Variants in SKAP1 observed in about 807,000 individuals in gnomAD.
SKAP1 encodes the protein src kinase associated phosphoprotein 1.
SKAP1 carries 44 observed loss-of-function variants against 58.5 expected under a neutral mutation model. That is an observed-to-expected ratio of 0.75 (90% CI 0.59 to 0.97). The LOEUF is 0.97. Ranked by LOEUF, SKAP1 falls within the 50% of genes least tolerant of loss-of-function variation. SKAP1 has a pLI of 0.00. For synonymous variants in SKAP1, 127 were observed against 149.7 expected (o/e 0.85, Z 1.11); for missense variants, 390 against 435.2 (o/e 0.90, Z 0.92).
intron 4 of SKAP1, among the ~76,000 whole-genome samples, chr17:48,332,617 T>C (rs2066520497): frequency 6.6e-6 from 1 of 152,146 alleles, no homozygotes; most frequent in Non-Finnish European, 1.5e-5. Flanking sequence ...ATACCTCATA[T>C]CAAGATGCCA....
intron 3 of SKAP1, among the ~76,000 whole-genome samples, chr17:48,362,643 CAACTTT>C (rs2066951215): frequency 1.3e-5 from 2 of 152,150 alleles, no homozygotes; most frequent in Admixed American, 1.3e-4. Flanking sequence ...GTAAGTGCTC[CAACTTT>C]AACTTATGAG....
intron 4 of SKAP1, among the ~76,000 whole-genome samples, chr17:48,221,719 G>A (rs117066134): frequency 3.7e-3 from 568 of 152,316 alleles, no homozygotes; most frequent in Admixed American, 5.2e-3. Context: ...GATCAGAATT[G>A]CCGAGTATCT....
chr17:48,154,131 C>T (rs909659392), intron 11 of SKAP1, among the ~76,000 whole-genome samples: 10 of 152,138 alleles, frequency 6.6e-5, no homozygotes, highest in African/African-American at 2.2e-4. Context: ...TGGAGAAAAC[C>T]GGGTTAAAAC....
At chr17:48,301,795 A>G (rs2066061021) in intron 4 of SKAP1, among the ~76,000 whole-genome samples, 1 of 151,972 alleles carries the variant, frequency 6.6e-6, no homozygotes, top group South Asian at 2.1e-4. Context: ...CATTTCTTAG[A>G]CCTTCCTTAT....
At chr17:48,260,135 AAG>A (rs1455943941) in intron 4 of SKAP1, among the ~76,000 whole-genome samples, 1 of 152,170 alleles carries the variant, frequency 6.6e-6, no homozygotes, top group Non-Finnish European at 1.5e-5. Context: ...AAAAAATGAA[AAG>A]AGAGAAGTGT....
chr17:48,210,856 G>A (rs983896208), intron 4 of SKAP1, among the ~76,000 whole-genome samples: 5 of 152,060 alleles, frequency 3.3e-5, no homozygotes, highest in African/African-American at 7.2e-5. Flanking sequence ...GTCTCCTCCC[G>A]AGTGTTACCC....
At chr17:48,217,843 A>G (rs1008612662) in intron 4 of SKAP1, among the ~76,000 whole-genome samples, 6 of 152,196 alleles carry the variant, frequency 3.9e-5, no homozygotes, top group Admixed American at 3.3e-4. Context: ...ACTGACTGGG[A>G]AGCTATTGGA....
intron 4 of SKAP1, among the ~76,000 whole-genome samples, chr17:48,304,938 TA>T (rs2066116057): frequency 6.6e-6 from 1 of 152,204 alleles, no homozygotes; most frequent in Non-Finnish European, 1.5e-5. Flanking sequence ...TTAATAGTAG[TA>T]ATGAACTAGA....
chr17:48,414,615 C>T (rs567732156), intron 1 of SKAP1, among the ~76,000 whole-genome samples: 30 of 152,210 alleles, frequency 2.0e-4, no homozygotes, highest in Admixed American at 1.2e-3. Flanking sequence ...TGCCCTAAAA[C>T]GAAAATTCTC....
chr17:48,279,888 T>C (rs2065746156), intron 4 of SKAP1, among the ~76,000 whole-genome samples: 1 of 152,162 alleles, frequency 6.6e-6, no homozygotes, highest in African/African-American at 2.4e-5. Flanking sequence ...CAGTTCCTTC[T>C]AAGAGCTTGT....
chr17:48,410,795 C>T (rs1285742423), intron 1 of SKAP1, among the ~76,000 whole-genome samples: 1 of 151,596 alleles, frequency 6.6e-6, no homozygotes, highest in Non-Finnish European at 1.5e-5. Flanking sequence ...GGTGTGGTGG[C>T]AGGCACCTGT....
chr17:48,197,192 A>AT (rs2064645761), intron 4 of SKAP1, among the ~76,000 whole-genome samples: 1 of 141,408 alleles, frequency 7.1e-6, no homozygotes, highest in African/African-American at 2.6e-5. Flanking sequence ...CAGGAGGCGG[A>AT]TGTGGCAGTG....
At position 48,193,762 on chromosome 17, in the gene SKAP1, G is replaced by T. The variant is rs1402336772; in HGVS notation, c.281-4262C>A. The T allele has an allele frequency of 1.3e-5, 13 of 982,194 alleles. No individual in the cohort carries two copies. The Admixed American group carries it at 8.1e-4, about 61-fold the overall frequency. 60.8% of individuals were successfully genotyped at this position (982,194 alleles called of 1,614,324 possible). ...GATGAGGCAGGAATCTTGTATGCCT[G>T]GATCCACACCTACTGGTAAACGAAC... On this transcript the variant is annotated intron_variant, in intron 4 of 12. Transcript: ENST00000336915.
intron 4 of SKAP1, among the ~76,000 whole-genome samples, chr17:48,296,310 T>TG (rs1255884973): frequency 6.6e-6 from 1 of 152,196 alleles, no homozygotes. Flanking sequence ...TATGCATGAC[T>TG]GCGCTGGAGA....
At chr17:48,443,411 A>G in the SKAP1 span, among the ~76,000 whole-genome samples, 20 of 152,210 alleles carry the variant, frequency 1.3e-4, no homozygotes, top group Non-Finnish European at 2.6e-4. Flanking sequence ...TGCTTGGTGT[A>G]TAGTAGGTCC....
Position 48,201,811 on chromosome 17 carries a change from A to G in SKAP1, c.281-12311T>C, listed in dbSNP as rs114641215. On this transcript the variant is annotated intron_variant, in intron 4 of 12. Transcript: ENST00000336915. Reference sequence around the variant, plus strand: ...GGTTCAGAAGAAACAATAAACAGGCAAAAGACTGTGCCAAATGAATAACTG... The same window carrying G: ...GGTTCAGAAGAAACAATAAACAGGCGAAAGACTGTGCCAAATGAATAACTG... Among the ~76,000 whole-genome samples, 209 of 152,356 alleles carry G rather than the reference A, an allele frequency of 1.4e-3. 2 individuals are homozygous for G. Among genetic ancestry groups the G allele is most frequent in the African/African-American group, 4.9e-3 (205 of 41,586 alleles).
intron 1 of SKAP1, among the ~76,000 whole-genome samples, chr17:48,420,796 G>C (rs759158493): frequency 1.3e-5 from 2 of 152,112 alleles, no homozygotes; most frequent in Non-Finnish European, 2.9e-5. Context: ...TTGACAATTC[G>C]GGCTGGATGA....
chr17:48,342,245 C>T (rs193030432), intron 4 of SKAP1, among the ~76,000 whole-genome samples: 22 of 152,164 alleles, frequency 1.4e-4, no homozygotes, highest in Admixed American at 1.3e-4. Flanking sequence ...TTTTTGTTCC[C>T]GATGGTGGGG....
intron 11 of SKAP1, among the ~76,000 whole-genome samples, chr17:48,158,433 T>G (rs1598379096): frequency 6.9e-6 from 1 of 144,798 alleles, no homozygotes; most frequent in Non-Finnish European, 1.5e-5. Flanking sequence ...CCAGGCATGG[T>G]GGCGGGTGCC....
Sources: allele counts gnomAD v4.1 joint callset (sites outside exome capture counted in the v4.1 genomes callset), GRCh38; gene constraint gnomAD v4.1.1; transcripts MANE v1.5; gene names NCBI Gene and HGNC (gene_info 2026-07-23, HGNC 2026-07-21).